Variants in CNTNAP2 observed in about 807,000 individuals in gnomAD.
CNTNAP2 encodes the protein contactin associated protein 2.
In CNTNAP2, 98 loss-of-function variants were observed where a neutral mutation model predicts 155.2. The observed-to-expected ratio is 0.63, with a 90% CI of 0.54 to 0.75. CNTNAP2 has a LOEUF of 0.75. CNTNAP2 is among the 30% of genes least tolerant of loss of function. The pLI, the probability that CNTNAP2 is intolerant of heterozygous loss-of-function variation, is 0.00. For missense variants in CNTNAP2, 1,727 were observed against 1,688.1 expected, an observed-to-expected ratio of 1.02 and a Z score of -0.40; for synonymous variants, 651 against 631.2, an observed-to-expected ratio of 1.03 and a Z score of -0.47.
chr7:148,201,029 C>A (rs189530813), intron 18 of CNTNAP2, among the ~76,000 whole-genome samples: 85 of 152,280 alleles, frequency 5.6e-4, no homozygotes, highest in Non-Finnish European at 9.3e-4. Context: ...AGTCCTTGCA[C>A]CAACAGAGGT....
At chr7:146,332,611 T>A (rs1801205147) in intron 1 of CNTNAP2, among the ~76,000 whole-genome samples, 1 of 152,186 alleles carries the variant, frequency 6.6e-6, no homozygotes, top group Admixed American at 6.6e-5. Context: ...TAGAGAAATT[T>A]CCAAATAGAA....
At chr7:148,136,003 G>A (rs1427833141) in intron 16 of CNTNAP2, among the ~76,000 whole-genome samples, 1 of 45,268 alleles carries the variant, frequency 2.2e-5, no homozygotes, top group East Asian at 6.8e-4. Context: ...AAGGAAGGAA[G>A]GAAGGAAGGA....
intron 3 of CNTNAP2, among the ~76,000 whole-genome samples, chr7:146,958,558 CACCCGCCACA>C (rs1283689882): frequency 6.6e-6 from 1 of 150,956 alleles, no homozygotes; most frequent in Non-Finnish European, 1.5e-5. Context: ...GGACTACAGG[CACCCGCCACA>C]ACGCCCGGCT....
intron 11 of CNTNAP2, among the ~76,000 whole-genome samples, chr7:147,547,630 A>AAAACAC (rs60231636): frequency 1.3e-3 from 149 of 116,064 alleles, no homozygotes; most frequent in South Asian, 1.8e-3. Context: ...ATTTCTTCTA[A>AAAACAC]ACACACACAC....
At chr7:146,334,211 T>C (rs1801233256) in intron 1 of CNTNAP2, among the ~76,000 whole-genome samples, 1 of 152,018 alleles carries the variant, frequency 6.6e-6, no homozygotes, top group South Asian at 2.1e-4. Context: ...GAAAGCAGAT[T>C]AGGAGGTCAG....
At position 148,149,750 on chromosome 7, in the gene CNTNAP2, C is replaced by T. The variant is rs183692703; in HGVS notation, c.2773+2041C>T. Among the ~76,000 whole-genome samples the T allele has an allele frequency of 2.4e-3, 358 of 152,064 alleles. 2 individuals carry two copies. The highest frequency in any genetic ancestry group is 0.017 in the Middle Eastern group (5 of 294). On this transcript the variant is annotated intron_variant, in intron 17 of 23. Transcript: ENST00000361727. ...TATTTTTAGTAGAGAAGGGGTTTCA[C>T]CATGTTGGCCAGGCTGGTCTCAAAC...
At position 146,654,019 on chromosome 7, in the gene CNTNAP2, TA is replaced by T. The variant is rs933525806; in HGVS notation, c.98-120243del. 1.8e-4 allele frequency among the ~76,000 whole-genome samples: 27 copies of T among 151,516 alleles called. No homozygotes were observed. In the East Asian group the frequency reaches 1.9e-3, roughly 11 times the overall value. ...AATCCCAGAACAGTTCTTTGTATATTAAAAAAAAATCCTTTACATATTCCAT... is the reference window on the plus strand; with the variant it reads ...AATCCCAGAACAGTTCTTTGTATATTAAAAAAAATCCTTTACATATTCCAT... On this transcript the variant is annotated intron_variant, in intron 1 of 23. Coordinates refer to ENST00000361727, the MANE Select transcript of CNTNAP2 (RefSeq NM_014141.6).
chr7:147,984,988 AC>A (rs1801591612), intron 15 of CNTNAP2, among the ~76,000 whole-genome samples: 1 of 151,950 alleles, frequency 6.6e-6, no homozygotes, highest in South Asian at 2.1e-4. Flanking sequence ...GTTGGTGCGC[AC>A]CTGTAATCCC....
intron 8 of CNTNAP2, among the ~76,000 whole-genome samples, chr7:147,145,501 T>A (rs1801684759): frequency 6.6e-6 from 1 of 152,066 alleles, no homozygotes; most frequent in African/African-American, 2.4e-5. Context: ...CACCCTGACC[T>A]GAAGGAGCTC....
chr7:146,389,696 C>CTTT (rs1408040421), intron 1 of CNTNAP2, among the ~76,000 whole-genome samples: 37 of 140,814 alleles, frequency 2.6e-4, no homozygotes, highest in African/African-American at 9.1e-4. Flanking sequence ...TTTTTCTTTT[C>CTTT]TTTTTTCTTT....
intron 8 of CNTNAP2, among the ~76,000 whole-genome samples, chr7:147,184,364 A>C (rs1802523501): frequency 6.6e-6 from 1 of 152,190 alleles, no homozygotes; most frequent in Non-Finnish European, 1.5e-5. Flanking sequence ...TTTAAATCAG[A>C]ATTATTTTAT....
chr7:147,882,772 CAGGACAGAACCCAGGAAATCCAAT>C (rs1439385239), intron 13 of CNTNAP2, among the ~76,000 whole-genome samples: 3 of 33,972 alleles, frequency 8.8e-5, no homozygotes, highest in African/African-American at 3.7e-4. Context: ...AGAAGACAGA[CAGGACAGAACCCAGGAAATCCAAT>C]AAGTGGATTT....
intron 2 of CNTNAP2, among the ~76,000 whole-genome samples, chr7:146,805,607 T>C (rs1482660349): frequency 6.6e-6 from 1 of 152,132 alleles, no homozygotes; most frequent in Non-Finnish European, 1.5e-5. Flanking sequence ...TGGATGTTAA[T>C]TTGCCCCACT....
intron 1 of CNTNAP2, among the ~76,000 whole-genome samples, chr7:146,512,800 G>A (rs1053315551): frequency 1.3e-5 from 2 of 151,514 alleles, no homozygotes; most frequent in African/African-American, 4.9e-5. Flanking sequence ...AGTCATTTAG[G>A]TCCATTTGCT....
chr7:146,350,420 A>G (rs1277680617), intron 1 of CNTNAP2, among the ~76,000 whole-genome samples: 1 of 152,198 alleles, frequency 6.6e-6, no homozygotes, highest in East Asian at 1.9e-4. Context: ...CAAAAAACAC[A>G]TGAAAAAATG....
At chr7:146,614,276 G>A (rs1021311792) in intron 1 of CNTNAP2, among the ~76,000 whole-genome samples, 44 of 152,236 alleles carry the variant, frequency 2.9e-4, no homozygotes, top group Admixed American at 2.6e-4. Context: ...TATTTTATGT[G>A]TAAGCTTTAT....
chr7:146,357,858 GGTAAAA>G (rs1338531708), intron 1 of CNTNAP2, among the ~76,000 whole-genome samples: 11 of 151,406 alleles, frequency 7.3e-5, no homozygotes, highest in Admixed American at 4.6e-4. Context: ...ATCATCTCCA[GGTAAAA>G]GTCTTCATCA....
intron 13 of CNTNAP2, among the ~76,000 whole-genome samples, chr7:147,847,426 G>C (rs1273919827): frequency 9.1e-6 from 1 of 109,996 alleles, no homozygotes; most frequent in Admixed American, 1.0e-4. Context: ...CGTAGTTCTC[G>C]AGCCTTGGTT....
intron 1 of CNTNAP2, among the ~76,000 whole-genome samples, chr7:146,679,273 G>C (rs1800458175): frequency 6.7e-6 from 1 of 148,998 alleles, no homozygotes; most frequent in South Asian, 2.1e-4. Context: ...TTGGTTTTCT[G>C]TTCTTGTATT....
Sources: gnomAD v4.1 joint callset for allele counts (sites outside exome capture counted in the v4.1 genomes callset) on GRCh38, gnomAD v4.1.1 for gene constraint, MANE v1.5 for transcripts, NCBI Gene and HGNC (gene_info 2026-07-23, HGNC 2026-07-21) for gene names.